GAN: variants seen among roughly 807,000 people sequenced by gnomAD.
GAN encodes the protein gigaxonin.
Under a neutral mutation model 71.3 loss-of-function variants are expected in GAN, and 48 were observed. That is an observed-to-expected ratio of 0.67 (90% confidence interval 0.53 to 0.86). The LOEUF (loss-of-function observed/expected upper bound fraction) is 0.86. Among genes scored for constraint, GAN ranks in the 40% least tolerant of loss-of-function variants. The probability of loss-of-function intolerance (pLI) is 0.00; values close to 1 mark genes in which losing one functional copy is unlikely to be tolerated. For synonymous variants in GAN, 386 were observed against 276.8 expected (o/e 1.39, Z -3.92); for missense variants, 928 against 770.1 (o/e 1.21, Z -2.43).
chr16:81,361,880 A>C (rs1043904437), intron 5 of GAN, among the ~76,000 whole-genome samples: 5 of 152,156 alleles, frequency 3.3e-5, no homozygotes, highest in African/African-American at 1.2e-4. Flanking sequence ...TTTTTTGTAG[A>C]GATGAAGTCT....
rs969770955 is a variant in GAN at position 81,381,512 on chromosome 16, A to C, written c.*3916A>C. 45 of 151,964 alleles carry C rather than the reference A, an allele frequency of 3.0e-4. No individual in the cohort carries two copies. The highest frequency in any genetic ancestry group is 9.5e-4 in the African/African-American group (39 of 41,212). The allele number at this position is 151,964 out of a possible 1,614,324, so 9.4% of individuals were successfully genotyped here. A position where few individuals can be genotyped will look rare whatever the true frequency, so the allele number is the denominator to read the frequency against. Reference sequence around the variant, plus strand: ...ACTGAGCACTGGAGTCCAGGAAGTCAGTGAGAAGAGAGCAGCTGAGTGTAG... The same window carrying C: ...ACTGAGCACTGGAGTCCAGGAAGTCCGTGAGAAGAGAGCAGCTGAGTGTAG... On this transcript the variant is annotated 3_prime_UTR_variant, in exon 11 of 11. Coordinates refer to ENST00000648994, the MANE Select transcript of GAN (RefSeq NM_022041.4).
intron 4 of GAN, 34 bp from the exon 5 acceptor site, chr16:81,357,776 A>T (rs1439479088): frequency 6.3e-7 from 1 of 1,596,628 alleles, no homozygotes; most frequent in Admixed American, 1.7e-5. Flanking sequence ...TGTATGAAGC[A>T]CATTAACTAC....
rs74953839 is a variant in GAN, at chr16:81,377,711, A to T, written c.*115A>T. ...CTCTGTGCTGGGCTTTGGTATGGTA[A>T]CTCTTTGGTGGTTTTATGATGCTTA... On this transcript the variant is annotated 3_prime_UTR_variant, in exon 11 of 11. Coordinates refer to ENST00000648994, the MANE Select transcript of GAN (RefSeq NM_022041.4). 2.3e-3 allele frequency: 2,193 copies of T among 958,664 alleles called. 39 individuals carry two copies. The African/African-American group carries it at 0.032, about 14-fold the overall frequency. 59.4% of individuals were successfully genotyped at this position (958,664 alleles called of 1,614,324 possible).
At chr16:81,368,425 C>T (rs770586337) in intron 9 of GAN, among the ~76,000 whole-genome samples, 8 of 152,162 alleles carry the variant, frequency 5.3e-5, no homozygotes, top group African/African-American at 1.9e-4. Context: ...ATAGTGAGAC[C>T]TTGTCTCTAT....
intron 9 of GAN, 149 bp from the exon 10 acceptor site, chr16:81,377,070 C>T (rs1597413943): frequency 5.3e-6 from 4 of 748,828 alleles, no homozygotes; most frequent in Admixed American, 3.6e-5. Flanking sequence ...GGCAGCATGT[C>T]GGTGGTTACC....
chr16:81,381,172 AGT>A lies in GAN; in HGVS notation c.*3577_*3578del, dbSNP rs1230764711. ...TATGGCACCTAAGTTACTCATGGGT[AGT>A]TAAGTTTCATTTCTAGAGAAATGTC... On this transcript the variant is annotated 3_prime_UTR_variant, in exon 11 of 11. Coordinates refer to ENST00000648994, the MANE Select transcript of GAN (RefSeq NM_022041.4). 1 of 152,228 alleles carries A rather than the reference AGT, an allele frequency of 6.6e-6. No individual in the cohort carries two copies. Among genetic ancestry groups the A allele is most frequent in the Non-Finnish European group, 1.5e-5 (1 of 68,042 alleles). The allele number at this position is 152,228 out of a possible 1,614,324, so 9.4% of individuals were successfully genotyped here.
At chr16:81,375,302 C>T (rs1597412668) in intron 9 of GAN, among the ~76,000 whole-genome samples, 1 of 144,736 alleles carries the variant, frequency 6.9e-6, no homozygotes, top group Non-Finnish European at 1.5e-5. Context: ...AATTTAGAGA[C>T]AGTCTTGCTA....
chr16:81,366,812 A>G (rs1031354386), intron 9 of GAN, among the ~76,000 whole-genome samples: 4 of 151,802 alleles, frequency 2.6e-5, no homozygotes, highest in African/African-American at 9.7e-5. Context: ...TGCCCAAGGG[A>G]TGAAGTCTTT....
intron 3 of GAN, 70 bp from the exon 4 acceptor site, chr16:81,356,715 A>G: frequency 3.7e-6 from 4 of 1,079,022 alleles, no homozygotes; most frequent in South Asian, 2.5e-5. Flanking sequence ...GAGGTGGAAA[A>G]TGTAGATTCT....
intron 9 of GAN, among the ~76,000 whole-genome samples, chr16:81,368,100 C>G (rs192183906): frequency 6.6e-6 from 1 of 152,006 alleles, no homozygotes; most frequent in African/African-American, 2.4e-5. Context: ...TTAAAACTTT[C>G]TGGGAAAAAA....
At chr16:81,323,914 A>G (rs1209115775) in intron 1 of GAN, among the ~76,000 whole-genome samples, 1 of 152,170 alleles carries the variant, frequency 6.6e-6, no homozygotes, top group Admixed American at 6.5e-5. Context: ...ATGTCAGTCT[A>G]TTTATTTTTC....
intron 1 of GAN, among the ~76,000 whole-genome samples, chr16:81,331,254 C>T (rs971515155): frequency 1.3e-5 from 2 of 152,090 alleles, no homozygotes; most frequent in African/African-American, 4.8e-5. Context: ...AATTAATTGA[C>T]CAGTGCACAT....
In GAN at chr16:81,314,985, G is replaced by A. The variant is rs1426652528; in HGVS notation, c.-129G>A. ...GCGGATAGCACAGGCACGTCCCGGG[G>A]GCTCCAGCTTCTGCTCAGAGCGCGG... On this transcript the variant is annotated 5_prime_UTR_variant, in exon 1 of 11. Transcript: ENST00000648994. 4.0e-6 allele frequency: 3 copies of A among 750,420 alleles called. No homozygotes were observed. The highest frequency in any genetic ancestry group is 3.7e-5 in the African/African-American group (2 of 53,940). 46.5% of individuals were successfully genotyped at this position (750,420 alleles called of 1,614,324 possible). A position where few individuals can be genotyped will look rare whatever the true frequency, so the allele number is the denominator to read the frequency against.
chr16:81,386,437 GTGTC>G lies in GAN; in HGVS notation c.*8845_*8848del, dbSNP rs1366591627. On this transcript the variant is annotated 3_prime_UTR_variant, in exon 11 of 11. Transcript: ENST00000648994. ...TGTACGTGCATGTGTGTTTGTGCAT[GTGTC>G]TGTGTGTGTGGAACTTTTGTACCTT... 2.0e-5 allele frequency: 3 copies of G among 152,196 alleles called. No homozygotes were observed. Among genetic ancestry groups the G allele is most frequent in the African/African-American group, 7.2e-5 (3 of 41,446 alleles). The allele number at this position is 152,196 out of a possible 1,614,324, so 9.4% of individuals were successfully genotyped here. A position where few individuals can be genotyped will look rare whatever the true frequency, so the allele number is the denominator to read the frequency against.
chr16:81,337,197 C>T (rs1909792839), intron 1 of GAN, among the ~76,000 whole-genome samples: 1 of 152,092 alleles, frequency 6.6e-6, no homozygotes, highest in African/African-American at 2.4e-5. Context: ...TTGGCATAAG[C>T]AGGTAAATGA....
chr16:81,375,527 A>G (rs940507415), intron 9 of GAN, among the ~76,000 whole-genome samples: 18 of 151,956 alleles, frequency 1.2e-4, no homozygotes, highest in Non-Finnish European at 1.9e-4. Flanking sequence ...AGGTTTCGCC[A>G]TGTTGCCCAG....
chr16:81,377,183 G>T (rs1597413991), intron 9 of GAN, 36 bp from the exon 10 acceptor site: 3 of 1,226,414 alleles, frequency 2.4e-6, no homozygotes, highest in South Asian at 2.4e-5. Context: ...TCATCCTTTT[G>T]ATTTCCTTAA....
In GAN at chr16:81,390,762, C is replaced by A. The variant is rs1904536904; in HGVS notation, c.*13166C>A. On this transcript the variant is annotated 3_prime_UTR_variant, in exon 11 of 11. Transcript: ENST00000648994. ...AAGGGTACCACACAAAAGGAATCAT[C>A]TTTAAGCTGTTTAATTAACCTAATA... is the stretch of plus-strand genomic sequence containing the variant. 6.6e-6 allele frequency: 1 copy of A among 152,194 alleles called. No individual in the cohort carries two copies. The highest frequency in any genetic ancestry group is 6.5e-5 in the Admixed American group (1 of 15,274). 9.4% of individuals were successfully genotyped at this position (152,194 alleles called of 1,614,324 possible). A position where few individuals can be genotyped will look rare whatever the true frequency, so the allele number is the denominator to read the frequency against.
rs963948314 is a variant in GAN, at chr16:81,390,342, G to A, written c.*12746G>A. The A allele has an allele frequency of 6.6e-6, 1 of 152,212 alleles. No individual in the cohort carries two copies. Among genetic ancestry groups the A allele is most frequent in the African/African-American group, 2.4e-5 (1 of 41,470 alleles). The allele number at this position is 152,212 out of a possible 1,614,324, so 9.4% of individuals were successfully genotyped here. A position where few individuals can be genotyped will look rare whatever the true frequency, so the allele number is the denominator to read the frequency against. ...TGGAATAATTTTCTGTTCACTTGCTGATAAGAAATTTAGCAGTCAGAAGTA... is the reference window on the plus strand; with the variant it reads ...TGGAATAATTTTCTGTTCACTTGCTAATAAGAAATTTAGCAGTCAGAAGTA... On this transcript the variant is annotated 3_prime_UTR_variant, in exon 11 of 11. Coordinates refer to ENST00000648994, the MANE Select transcript of GAN (RefSeq NM_022041.4).
Sources: gnomAD v4.1 joint callset for allele counts (sites outside exome capture counted in the v4.1 genomes callset) on GRCh38, gnomAD v4.1.1 for gene constraint, MANE v1.5 for transcripts, NCBI Gene and HGNC (gene_info 2026-07-23, HGNC 2026-07-21) for gene names.